Variants in C1QTNF8 observed in about 807,000 individuals in gnomAD.
C1QTNF8 encodes C1q and TNF related 8.
A neutral mutation model predicts 19.2 loss-of-function variants in C1QTNF8; 27 were observed. The observed-to-expected ratio is 1.41, with a 90% CI of 1.04 to 1.94. The LOEUF (loss-of-function observed/expected upper bound fraction) is 1.94, where lower values mean the gene tolerates loss of function less well. Ranked by LOEUF, C1QTNF8 falls within the 30% of genes most tolerant of loss-of-function variation. The pLI, the probability that C1QTNF8 is intolerant of heterozygous loss-of-function variation, is 0.00. For synonymous variants in C1QTNF8, 208 were observed against 172.8 expected, an observed-to-expected ratio of 1.20 and a Z score of -1.60; for missense variants, 484 against 374.4, an observed-to-expected ratio of 1.29 and a Z score of -2.42.
chr16:1,093,469 C>CG, intron 4 of C1QTNF8, 28 bp downstream of exon 4: 1 of 1,466,036 alleles, frequency 6.8e-7, no homozygotes. Flanking sequence ...CGCGCGCGCG[C>CG]CCGGTGCTCA....
In C1QTNF8 at chr16:1,094,844, C is replaced by G; in HGVS notation, c.79G>C (p.Val27Leu). The G allele has an allele frequency of 6.9e-7, 1 of 1,440,676 alleles. No homozygotes were observed. Among genetic ancestry groups the G allele is most frequent in the Non-Finnish European group, 9.1e-7 (1 of 1,094,624 alleles). The allele number at this position is 1,440,676 out of a possible 1,614,324, so 89.2% of individuals were successfully genotyped here. A position where few individuals can be genotyped will look rare whatever the true frequency, so the allele number is the denominator to read the frequency against. ...AWPGLPRRPC[V>L]HCCRPAWPPG... ...GGCCAGGCCGGGCGGCAGCAGTGCA[C>G]ACAGGGCCTCCTGGGCAGCCCGGGC... Residue 27 changes from valine (V) to leucine (L), a missense_variant, in exon 3 of 5, where the codon GTG becomes CTG. Transcript: ENST00000328449.
At chr16:1,092,067 G>C (rs1040757151) in intron 4 of C1QTNF8, among the ~76,000 whole-genome samples, 1 of 152,182 alleles carries the variant, frequency 6.6e-6, no homozygotes, top group South Asian at 2.1e-4. Context: ...ACCGGGCTCC[G>C]ACCACCCCAT....
chr16:1,093,303 C>G (rs1960596822), intron 4 of C1QTNF8, among the ~76,000 whole-genome samples, 194 bp downstream of exon 4: 3 of 140,902 alleles, frequency 2.1e-5, no homozygotes, highest in African/African-American at 8.7e-5. Flanking sequence ...AGTCGGCGCT[C>G]AACCAATCCC....
chr16:1,096,134 C>G (rs1166691290), intron 1 of C1QTNF8, 22 bp downstream of exon 1: 1 of 152,438 alleles, frequency 6.6e-6, no homozygotes, highest in Non-Finnish European at 1.5e-5. Flanking sequence ...CTTCCTGTTA[C>G]CGTCTCAGGG....
intron 4 of C1QTNF8, 96 bp downstream of exon 4, chr16:1,093,401 C>G (rs1167334678): frequency 3.3e-6 from 2 of 612,170 alleles, no homozygotes; most frequent in African/African-American, 4.6e-5. Context: ...CACACCCACC[C>G]ACACACACAC....
intron 4 of C1QTNF8, 71 bp downstream of exon 4, chr16:1,093,426 C>CCA (rs750454261): frequency 0.02 from 19,718 of 999,838 alleles, 196 homozygotes; most frequent in Middle Eastern, 0.038. Context: ...ACACCCACCC[C>CCA]CACACACACA....
chr16:1,094,150 A>G (rs1376560197), intron 3 of C1QTNF8, 99 bp from the exon 4 acceptor site: 1 of 970,104 alleles, frequency 1.0e-6, no homozygotes, highest in Non-Finnish European at 1.4e-6. Context: ...GGGTCACTGT[A>G]AGGACACACT....
chr16:1,091,249 C>T (rs1232911488), intron 4 of C1QTNF8, among the ~76,000 whole-genome samples: 1 of 152,156 alleles, frequency 6.6e-6, no homozygotes, highest in Non-Finnish European at 1.5e-5. Context: ...TGGGGGCTCT[C>T]CTGCCCCCAC....
At position 1,094,004 on chromosome 16, in the gene C1QTNF8, TC is replaced by T; in HGVS notation, c.255del (p.Glu87ArgfsTer57). 6.7e-7 allele frequency: 1 copy of T among 1,484,106 alleles called. No individual in the cohort carries two copies. The highest frequency in any genetic ancestry group is 1.4e-5 in the South Asian group (1 of 73,852). 91.9% of individuals were successfully genotyped at this position (1,484,106 alleles called of 1,614,324 possible). ...AGVRGRAGRS[G>X]KEGPPGARGL... ...CCCCGGGCGCCTGGCGGCCCCTCTT[TC>T]CCGCTCCTGCCGGCCCGACCTCGGA... is the stretch of plus-strand genomic sequence containing the variant. On this transcript the variant is annotated frameshift_variant, in exon 4 of 5. Transcript: ENST00000328449. LOFTEE classifies it high-confidence loss of function.
At chr16:1,094,179 C>T (rs1014652309) in intron 3 of C1QTNF8, 128 bp from the exon 4 acceptor site, 6 of 698,982 alleles carry the variant, frequency 8.6e-6, no homozygotes, top group Non-Finnish European at 1.2e-5. Context: ...GTGACGGCCC[C>T]TCTCCCAGTC....
At chr16:1,093,443 G>GACACAC in intron 4 of C1QTNF8, 54 bp downstream of exon 4, 2 of 947,238 alleles carry the variant, frequency 2.1e-6, no homozygotes, top group African/African-American at 2.8e-5. Flanking sequence ...CACACACACA[G>GACACAC]ACACACACAC....
chr16:1,093,510 G>C lies in C1QTNF8; in HGVS notation c.750C>G (p.Ala250=), dbSNP rs924724752. 2 of 1,530,998 alleles carry C rather than the reference G, an allele frequency of 1.3e-6. No homozygotes were observed. Among genetic ancestry groups the C allele is most frequent in the Non-Finnish European group, 1.8e-6 (2 of 1,136,784 alleles). The allele number at this position is 1,530,998 out of a possible 1,614,324, so 94.8% of individuals were successfully genotyped here. ...GGGGCCCCTCACCCGGCTACAGCTCGGCGGCCGGCTTGACCAGGTGGCCGC... is the reference window on the plus strand; with the variant it reads ...GGGGCCCCTCACCCGGCTACAGCTCCGCGGCCGGCTTGACCAGGTGGCCGC... ...TFSGHLVKPA[A]EL Residue 250 remains alanine, a synonymous_variant, in exon 4 of 5, where the codon GCC becomes GCG. Coordinates refer to ENST00000328449, the MANE Select transcript of C1QTNF8 (RefSeq NM_207419.3).
rs183284641 is a variant in C1QTNF8 at position 1,095,735 on chromosome 16, C to G, written c.-132G>C. The G allele has an allele frequency of 6.6e-6, 1 of 152,302 alleles. No individual in the cohort carries two copies. The highest frequency in any genetic ancestry group is 1.5e-5 in the Non-Finnish European group (1 of 68,100). 9.4% of individuals were successfully genotyped at this position (152,302 alleles called of 1,614,324 possible). A position where few individuals can be genotyped will look rare whatever the true frequency, so the allele number is the denominator to read the frequency against. On this transcript the variant is annotated 5_prime_UTR_variant, in exon 2 of 5. Coordinates refer to ENST00000328449, the MANE Select transcript of C1QTNF8 (RefSeq NM_207419.3). Reference sequence around the variant, plus strand: ...GGGCTCTGCTGGACAAAGATCTAGGCTGCCTCCTTCAGGAAGCCCTCTGGG... The same window carrying G: ...GGGCTCTGCTGGACAAAGATCTAGGGTGCCTCCTTCAGGAAGCCCTCTGGG...
At chr16:1,091,984 A>G (rs867609424) in intron 4 of C1QTNF8, among the ~76,000 whole-genome samples, 6 of 152,212 alleles carry the variant, frequency 3.9e-5, no homozygotes, top group African/African-American at 1.4e-4. Flanking sequence ...ATGTCTCCTC[A>G]GCAAGGGTGC....
At position 1,089,769 on chromosome 16, in the gene C1QTNF8, G is replaced by A. The variant is rs1960505556; in HGVS notation, c.*830C>T. 6.6e-6 allele frequency among the ~76,000 whole-genome samples: 1 copy of A among 152,114 alleles called. No homozygotes were observed. The highest frequency in any genetic ancestry group is 1.5e-5 in the Non-Finnish European group (1 of 68,016). On this transcript the variant is annotated 3_prime_UTR_variant, in exon 5 of 5. Transcript: ENST00000328449. ...GTCAGCACACGGGGTAGGGCTGGGG[G>A]TGTCCCGGTCGGGGTGGGAGGCCTG... is the stretch of plus-strand genomic sequence containing the variant.
chr16:1,093,114 TC>T (rs1960589557), intron 4 of C1QTNF8, among the ~76,000 whole-genome samples: 1 of 139,264 alleles, frequency 7.2e-6, no homozygotes, highest in Non-Finnish European at 1.6e-5. Context: ...GCTCAACCAA[TC>T]CCTGCACACA....
rs1342629555 is a variant in C1QTNF8, at chr16:1,093,505, A to G, written c.755T>C (p.Leu252Pro). ...SGHLVKPAAE[L>P] is the part of the protein sequence containing the mutation. ...GCCGCGGGGCCCCTCACCCGGCTAC[A>G]GCTCGGCGGCCGGCTTGACCAGGTG... is the stretch of plus-strand genomic sequence containing the variant. Residue 252 changes from leucine (L) to proline (P), a missense_variant, in exon 4 of 5, where the codon CTG becomes CCG. Transcript: ENST00000328449. The G allele has an allele frequency of 2.0e-6, 3 of 1,525,840 alleles. No homozygotes were observed. Among genetic ancestry groups the G allele is most frequent in the African/African-American group, 2.8e-5 (2 of 70,480 alleles). 94.5% of individuals were successfully genotyped at this position (1,525,840 alleles called of 1,614,324 possible).
At chr16:1,091,577 G>A (rs868044606) in intron 4 of C1QTNF8, among the ~76,000 whole-genome samples, 5 of 152,046 alleles carry the variant, frequency 3.3e-5, no homozygotes, top group South Asian at 2.1e-4. Context: ...TGGAGGGACC[G>A]ACCCACCCAC....
At position 1,093,799 on chromosome 16, in the gene C1QTNF8, C is replaced by G. The variant is rs375133032; in HGVS notation, c.461G>C (p.Gly154Ala). 4 of 1,611,276 alleles carry G rather than the reference C, an allele frequency of 2.5e-6. No individual in the cohort carries two copies. The African/African-American group carries it at 5.3e-5, about 22-fold the overall frequency. Residue 154 changes from glycine (G) to alanine (A), a missense_variant, in exon 4 of 5, where the codon GGC becomes GCC. Coordinates refer to ENST00000328449, the MANE Select transcript of C1QTNF8 (RefSeq NM_207419.3). ...NLDGAFDLAA[G>A]RFLCTVPGVY... is the part of the protein sequence containing the mutation. ...GCCGGGCACCGTGCAGAGGAAGCGG[C>G]CCGCGGCCAGGTCGAAGGCGCCGTC...
Sources: allele counts gnomAD v4.1 joint callset (sites outside exome capture counted in the v4.1 genomes callset), GRCh38; gene constraint gnomAD v4.1.1; transcripts MANE v1.5; gene names NCBI Gene and HGNC (gene_info 2026-07-23, HGNC 2026-07-21).